The following HTR3D variants were observed in gnomAD, a reference collection of about 807,000 sequenced individuals.
The protein encoded by HTR3D is 5-hydroxytryptamine receptor 3D.
In HTR3D, 47 loss-of-function variants were observed where a neutral mutation model predicts 45.8. The observed-to-expected ratio is 1.03, with a 90% CI of 0.81 to 1.31. The LOEUF is 1.31. Ranked by LOEUF, HTR3D falls within the 50% of genes most tolerant of loss-of-function variation. The pLI is 0.00. For synonymous variants in HTR3D, 203 were observed against 199.8 expected, an observed-to-expected ratio of 1.02 and a Z score of -0.13; for missense variants, 448 against 506.9, an observed-to-expected ratio of 0.88 and a Z score of 1.12.
chr3:184,035,964 A>G, intron 2 of HTR3D, 51 bp from the exon 3 acceptor site: 1 of 1,541,756 alleles, frequency 6.5e-7, no homozygotes, highest in Non-Finnish European at 8.8e-7. Context: ...AAGTGCTGGG[A>G]TTACAGACAG....
At chr3:184,035,856 C>G (rs1722870624) in intron 2 of HTR3D, 159 bp from the exon 3 acceptor site, 1 of 644,514 alleles carries the variant, frequency 1.6e-6, no homozygotes, top group Non-Finnish European at 2.5e-6. Flanking sequence ...CCACACCCAG[C>G]TAATTTTTGT....
intron 1 of HTR3D, chr3:184,033,183 C>T: frequency 1.5e-6 from 1 of 682,486 alleles, no homozygotes. Context: ...TGCAGTGGTG[C>T]AATCTCAGCT....
rs760735651 is a variant in HTR3D at position 184,038,676 on chromosome 3, C to T, written c.985+52C>T. The T allele has an allele frequency of 3.8e-6, 6 of 1,572,994 alleles. No individual in the cohort carries two copies. The highest frequency in any genetic ancestry group is 1.9e-5 in the Admixed American group (1 of 54,034). On this transcript the variant is annotated intron_variant, in intron 7 of 7. Transcript: ENST00000428798. This position sits in a 1 kb window ranked among gnomAD's most constrained non-coding sequence, Gnocchi z 4.5. ...CCCACCTCCACTTCTCTGCTCCTGC[C>T]TCCTTCCCTGTCTCCCTCCCTCCAC...
intron 5 of HTR3D, 131 bp from the exon 6 acceptor site, chr3:184,037,890 C>T: frequency 1.8e-6 from 2 of 1,122,908 alleles, no homozygotes; most frequent in Non-Finnish European, 2.5e-6. Flanking sequence ...AGACCGGATG[C>T]TGAAAGGGAC....
Position 184,036,013 on chromosome 3 carries a change from AG to A in HTR3D, c.112-1del. ...CGGCCTTGGCACAATCAATTTGTGC[AG>A]TGGAACCCAGATGAATGCGGAGGCA... On this transcript the variant is annotated splice_acceptor_variant, in intron 2 of 7. Transcript: ENST00000428798. LOFTEE classifies it high-confidence loss of function. 6.4e-7 allele frequency: 1 copy of A among 1,551,518 alleles called. No homozygotes were observed. The highest frequency in any genetic ancestry group is 8.7e-7 in the Non-Finnish European group (1 of 1,146,942).
At chr3:184,032,756 C>T in intron 1 of HTR3D, 1 of 1,084,224 alleles carries the variant, frequency 9.2e-7, no homozygotes, top group Non-Finnish European at 1.3e-6. Context: ...CATTTGCCTA[C>T]CAGCTCAGCC....
rs1395009019 is a variant in HTR3D at position 184,038,791 on chromosome 3, G to C, written c.1031G>C (p.Gly344Ala). ...TCAGCAGGGCAGATGCCAGGCCCTGGGGAGGCAGAGCTGACAGGGGGCTCA... is the reference window on the plus strand; with the variant it reads ...TCAGCAGGGCAGATGCCAGGCCCTGCGGAGGCAGAGCTGACAGGGGGCTCA... Reference protein sequence around the residue: ...EVSAGQMPGPGEAELTGGSEW... With the variant: ...EVSAGQMPGPAEAELTGGSEW... The change falls in exon 8 of 8, where the codon GGG becomes GCG. Residue 344 changes from glycine (G) to alanine (A), a missense_variant. Coordinates refer to ENST00000428798, the MANE Select transcript of HTR3D (RefSeq NM_001145143.1). This position sits in a 1 kb window ranked among gnomAD's most constrained non-coding sequence, Gnocchi z 4.5. 6.8e-6 allele frequency: 11 copies of C among 1,613,188 alleles called. No homozygotes were observed. In the East Asian group the frequency reaches 8.9e-5, roughly 13 times the overall value.
At chr3:184,033,119 ATTT>A (rs879211143) in intron 1 of HTR3D, 2,458 of 899,764 alleles carry the variant, frequency 2.7e-3, no homozygotes, top group East Asian at 3.3e-3. Context: ...CTCTGACTGG[ATTT>A]TTTTTTTTTT....
Position 184,039,130 on chromosome 3 carries a change from A to G in HTR3D, c.*155A>G. The G allele has an allele frequency of 1.3e-6, 1 of 788,348 alleles. No individual in the cohort carries two copies. Among genetic ancestry groups the G allele is most frequent in the Non-Finnish European group, 2.0e-6 (1 of 502,898 alleles). 48.8% of individuals were successfully genotyped at this position (788,348 alleles called of 1,614,324 possible). A position where few individuals can be genotyped will look rare whatever the true frequency, so the allele number is the denominator to read the frequency against. On this transcript the variant is annotated 3_prime_UTR_variant, in exon 8 of 8. Coordinates refer to ENST00000428798, the MANE Select transcript of HTR3D (RefSeq NM_001145143.1). The stretch of plus-strand genomic sequence containing the variant: ...TCAGACCAGACCTGAATAGTCTCCT[A>G]TGCCCTCCAAAAGTCGGGTCCTTGC...
At position 184,039,078 on chromosome 3, in the gene HTR3D, A is replaced by T. The variant is rs1723008352; in HGVS notation, c.*103A>T. 1 of 1,103,352 alleles carries T rather than the reference A, an allele frequency of 9.1e-7. No individual in the cohort carries two copies. The highest frequency in any genetic ancestry group is 2.1e-5 in the Admixed American group (1 of 47,488). 68.3% of individuals were successfully genotyped at this position (1,103,352 alleles called of 1,614,324 possible). A position where few individuals can be genotyped will look rare whatever the true frequency, so the allele number is the denominator to read the frequency against. On this transcript the variant is annotated 3_prime_UTR_variant, in exon 8 of 8. Transcript: ENST00000428798. ...GCCTTGTGGCCCTGTCAACCGCCTC[A>T]TTTTTAACCCAGTCCTCTGTGTAGT...
At chr3:184,031,596 T>G (rs1005789581), upstream of HTR3D, 1 of 614,956 alleles carries the variant, frequency 1.6e-6, no homozygotes, top group Admixed American at 2.7e-5. Flanking sequence ...TGTGACATTC[T>G]TTTGTCACCA....
At chr3:184,037,354 C>G (rs1206212540) in intron 5 of HTR3D, among the ~76,000 whole-genome samples, 1 of 152,050 alleles carries the variant, frequency 6.6e-6, no homozygotes, top group Non-Finnish European at 1.5e-5. Flanking sequence ...TCACTTTTTT[C>G]ACTGATAAAC....
intron 1 of HTR3D, chr3:184,032,998 C>A (rs1198170339): frequency 6.4e-7 from 1 of 1,551,950 alleles, no homozygotes; most frequent in Admixed American, 2.0e-5. Flanking sequence ...TTGGTCCAGT[C>A]ACCAACTACA....
intron 2 of HTR3D, 21 bp downstream of exon 2, chr3:184,035,243 C>T (rs1190662806): frequency 1.3e-6 from 2 of 1,549,818 alleles, no homozygotes; most frequent in Admixed American, 3.9e-5. Context: ...CTCAGTTTCC[C>T]CTTTCCTCTA....
intron 5 of HTR3D, among the ~76,000 whole-genome samples, chr3:184,037,364 C>T (rs904652320): frequency 1.3e-5 from 2 of 152,064 alleles, no homozygotes; most frequent in African/African-American, 4.8e-5. Flanking sequence ...CACTGATAAA[C>T]CTTCAGTACT....
At chr3:184,037,719 C>T (rs1265094683) in intron 5 of HTR3D, among the ~76,000 whole-genome samples, 1 of 152,146 alleles carries the variant, frequency 6.6e-6, no homozygotes, top group African/African-American at 2.4e-5. Context: ...AAAACACACG[C>T]GACACCTAAG....
Position 184,036,785 on chromosome 3 carries a change from A to G in HTR3D, c.405A>G (p.Ile135Met). ...GAAGGATGTCCAGGAGCTTTCAAAT[A>G]CATCACAGAACCTCATTCAGAACAA... Reference protein sequence around the residue: ...AWRRMSRSFQIHHRTSFRTRR... With the variant: ...AWRRMSRSFQMHHRTSFRTRR... Residue 135 changes from isoleucine (I) to methionine (M), a missense_variant, in exon 5 of 8, where the codon ATA (isoleucine) becomes ATG (methionine). Physicochemically the swap from Ile to Met is conservative, Grantham distance 10. Coordinates refer to ENST00000428798, the MANE Select transcript of HTR3D (RefSeq NM_001145143.1). 5 of 1,552,118 alleles carry G rather than the reference A, an allele frequency of 3.2e-6. No individual in the cohort carries two copies. In the South Asian group the frequency reaches 5.9e-5, roughly 18 times the overall value.
chr3:184,037,534 A>G (rs1000588217), intron 5 of HTR3D, among the ~76,000 whole-genome samples: 1 of 152,168 alleles, frequency 6.6e-6, no homozygotes, highest in African/African-American at 2.4e-5. Flanking sequence ...TATTTTTAAA[A>G]AGATATGGTA....
chr3:184,035,381 T>C (rs910380059), intron 2 of HTR3D, among the ~76,000 whole-genome samples, 159 bp downstream of exon 2: 2 of 152,202 alleles, frequency 1.3e-5, no homozygotes, highest in Admixed American at 1.3e-4. Context: ...TTTCTGATTA[T>C]TCTGCTGGTT....
Sources: gnomAD v4.1 joint callset for allele counts (sites outside exome capture counted in the v4.1 genomes callset) on GRCh38, gnomAD v4.1.1 for gene constraint, Gnocchi (gnomAD v3.1) non-coding constraint, MANE v1.5 for transcripts, NCBI Gene and HGNC (gene_info 2026-07-23, HGNC 2026-07-21) for gene names.